Variants in TNKS observed in about 807,000 individuals in gnomAD.
The protein encoded by TNKS is tankyrase, also known as poly [ADP-ribose] polymerase tankyrase-1.
In TNKS, 72 loss-of-function variants were observed where a neutral mutation model predicts 135.8. The observed-to-expected ratio is 0.53, with a 90% confidence interval of 0.44 to 0.64. The LOEUF (loss-of-function observed/expected upper bound fraction) is 0.64, where lower values mean the gene tolerates loss of function less well. Ranked by LOEUF, TNKS falls within the 30% of genes least tolerant of loss-of-function variation. The pLI, the probability that TNKS is intolerant of heterozygous loss-of-function variation, is 0.00. For synonymous variants in TNKS, 849 were observed against 649.3 expected, an observed-to-expected ratio of 1.31 and a Z score of -4.68; for missense variants, 1,769 against 1,674.0, an observed-to-expected ratio of 1.06 and a Z score of -0.99.
chr8:9,722,290 T>TA (rs143087716), intron 12 of TNKS: 69 of 152,186 alleles, frequency 4.5e-4, no homozygotes, highest in African/African-American at 1.6e-3. Context: ...TTGTAGAGAT[T>TA]ATGATATGTG....
intron 3 of TNKS, among the ~76,000 whole-genome samples, chr8:9,646,906 A>G (rs1047104829): frequency 6.6e-6 from 1 of 152,162 alleles, no homozygotes; most frequent in Non-Finnish European, 1.5e-5. Flanking sequence ...ATGCGACTTT[A>G]AAACTCTTTT....
intron 3 of TNKS, among the ~76,000 whole-genome samples, chr8:9,666,267 A>C (rs550604277): frequency 6.6e-5 from 10 of 152,296 alleles, no homozygotes; most frequent in African/African-American, 2.4e-4. Context: ...GTGCTATTAA[A>C]ACTCATGTCT....
At chr8:9,774,894 C>A (rs1030001342) in intron 26 of TNKS, among the ~76,000 whole-genome samples, 1 of 152,046 alleles carries the variant, frequency 6.6e-6, no homozygotes, top group Non-Finnish European at 1.5e-5. Flanking sequence ...AAACTTCACT[C>A]GGATAAAAGG....
At chr8:9,630,098 C>T (rs935494242) in intron 3 of TNKS, among the ~76,000 whole-genome samples, 2 of 152,142 alleles carry the variant, frequency 1.3e-5, no homozygotes, top group Non-Finnish European at 2.9e-5. Context: ...CTGTATATCC[C>T]GTGTCTCCCA....
intron 2 of TNKS, among the ~76,000 whole-genome samples, chr8:9,611,072 G>T (rs568861423): frequency 6.6e-6 from 1 of 152,168 alleles, no homozygotes; most frequent in African/African-American, 2.4e-5. Flanking sequence ...TCTTGACATA[G>T]CTCATTTGAA....
At chr8:9,636,838 T>C (rs1800530392) in intron 3 of TNKS, among the ~76,000 whole-genome samples, 1 of 152,180 alleles carries the variant, frequency 6.6e-6, no homozygotes, top group Non-Finnish European at 1.5e-5. Context: ...CAAATTAGCC[T>C]TCTTAGCTTT....
intron 2 of TNKS, among the ~76,000 whole-genome samples, chr8:9,583,340 GAC>G (rs1798243856): frequency 2.6e-5 from 4 of 152,204 alleles, no homozygotes; most frequent in African/African-American, 9.6e-5. Context: ...GAATGTTGAT[GAC>G]AGTTTTTATA....
chr8:9,679,668 G>A (rs1192628242), intron 3 of TNKS: 1 of 364,488 alleles, frequency 2.7e-6, no homozygotes. Flanking sequence ...GCTGTTATCA[G>A]AGGGAATGTG....
chr8:9,745,393 G>A (rs934761138), intron 17 of TNKS, among the ~76,000 whole-genome samples: 2 of 151,970 alleles, frequency 1.3e-5, no homozygotes, highest in Admixed American at 1.3e-4. Flanking sequence ...TTTATTTTTT[G>A]TTTATGGGGT....
chr8:9,698,031 A>G (rs904543174), intron 5 of TNKS, among the ~76,000 whole-genome samples: 2 of 152,238 alleles, frequency 1.3e-5, no homozygotes, highest in Admixed American at 6.5e-5. Context: ...TTGGATAAAG[A>G]AAATGTGGTA....
intron 2 of TNKS, among the ~76,000 whole-genome samples, chr8:9,590,148 A>T (rs193254331): frequency 6.6e-6 from 1 of 152,140 alleles, no homozygotes; most frequent in East Asian, 1.9e-4. Flanking sequence ...TTCCAGGTGT[A>T]CTTAAGTAAC....
At position 9,710,236 on chromosome 8, in the gene TNKS, G is replaced by A. The variant is rs943106785; in HGVS notation, c.1749+16G>A. 21 of 1,612,232 alleles carry A rather than the reference G, an allele frequency of 1.3e-5. No individual in the cohort carries two copies. In the East Asian group the frequency reaches 2.9e-4, roughly 22 times the overall value. ...TGGCGCCAAGGTGAGGCACACACCT[G>A]AGCAGAGTGCCAGACTCAGCACTGA... On this transcript the variant is annotated intron_variant, in intron 11 of 26. Coordinates refer to ENST00000310430, the MANE Select transcript of TNKS (RefSeq NM_003747.3).
chr8:9,678,746 A>C (rs13263409), intron 3 of TNKS, among the ~76,000 whole-genome samples: 96,136 of 152,004 alleles, frequency 0.63, 30,859 homozygotes, highest in Middle Eastern at 0.72. Context: ...AGCAAAACAA[A>C]ATGCGAAGTC....
At chr8:9,657,583 C>T (rs1157946452) in intron 3 of TNKS, among the ~76,000 whole-genome samples, 8 of 82,302 alleles carry the variant, frequency 9.7e-5, no homozygotes, top group East Asian at 4.9e-4. Context: ...CCAGACGGGG[C>T]GGCTGGCCGG....
In TNKS at chr8:9,751,600, T is replaced by A. The variant is rs754021565; in HGVS notation, c.2833-9T>A. ...TTTTCATGGTTTTTGTTTTTAATCA[T>A]TTTTTTAGGCTGACGATATCAGAGC... is the stretch of plus-strand genomic sequence containing the variant. On this transcript the variant is annotated splice_polypyrimidine_tract_variant and intron_variant, in intron 18 of 26. Transcript: ENST00000310430. 7 of 1,601,642 alleles carry A rather than the reference T, an allele frequency of 4.4e-6. No individual in the cohort carries two copies. In the African/African-American group the frequency reaches 8.1e-5, roughly 18 times the overall value.
At chr8:9,637,488 G>GT (rs34399318) in intron 3 of TNKS, among the ~76,000 whole-genome samples, 36 of 152,102 alleles carry the variant, frequency 2.4e-4, no homozygotes, top group African/African-American at 8.2e-4. Flanking sequence ...ATATGTTGTT[G>GT]TTTTTTATTA....
intron 5 of TNKS, among the ~76,000 whole-genome samples, chr8:9,698,950 T>G (rs1231603789): frequency 6.6e-6 from 1 of 152,248 alleles, no homozygotes; most frequent in Non-Finnish European, 1.5e-5. Flanking sequence ...ATAAGATTTA[T>G]CTTACAGCAG....
intron 13 of TNKS, among the ~76,000 whole-genome samples, chr8:9,729,663 G>T (rs988444899): frequency 6.6e-5 from 10 of 150,696 alleles, no homozygotes; most frequent in South Asian, 2.1e-4. Context: ...CTTCATCCCT[G>T]ATTTATTTAT....
At chr8:9,644,487 C>T (rs1338379198) in intron 3 of TNKS, among the ~76,000 whole-genome samples, 2 of 152,144 alleles carry the variant, frequency 1.3e-5, no homozygotes, top group Non-Finnish European at 1.5e-5. Flanking sequence ...GGTCAAATAT[C>T]TGAAAGAGAA....
Sources: allele counts gnomAD v4.1 joint callset (sites outside exome capture counted in the v4.1 genomes callset), GRCh38; gene constraint gnomAD v4.1.1; transcripts MANE v1.5; gene names NCBI Gene and HGNC (gene_info 2026-07-23, HGNC 2026-07-21).